Variants in TRAPPC2 observed in about 807,000 individuals in gnomAD.
The protein encoded by TRAPPC2 is trafficking protein particle complex subunit 2.
Under a neutral mutation model 10.0 loss-of-function variants are expected in TRAPPC2, and 4 were observed. That is an observed-to-expected ratio of 0.40 (90% CI 0.20 to 0.92). The LOEUF (loss-of-function observed/expected upper bound fraction) is 0.92, where lower values mean the gene tolerates loss of function less well. Among genes scored for constraint, TRAPPC2 ranks in the 40% least tolerant of loss-of-function variants. The probability of loss-of-function intolerance (pLI) is 0.35; values close to 1 mark genes in which losing one functional copy is unlikely to be tolerated. For synonymous variants in TRAPPC2, 36 were observed against 37.3 expected (o/e 0.97, Z 0.12); for missense variants, 52 against 108.7 (o/e 0.48, Z 2.32).
chrX:13,723,977 G>A (rs772626413), intron 2 of TRAPPC2, among the ~76,000 whole-genome samples: 2 of 112,001 alleles, frequency 1.8e-5, no homozygotes, highest in Non-Finnish European at 3.8e-5. Flanking sequence ...GAATAGGGAA[G>A]CAAAAGAGGA....
Position 13,714,152 on chromosome X carries a change from A to AC in TRAPPC2, c.*254_*255insG. 1 of 179,599 alleles carries AC rather than the reference A, an allele frequency of 5.6e-6. No homozygotes were observed. The highest frequency in any genetic ancestry group is 1.0e-5 in the Non-Finnish European group (1 of 96,909). 14.8% of individuals were successfully genotyped at this position (179,599 alleles called of 1,213,427 possible). Reference sequence around the variant, plus strand: ...GTGAGACTCTGTATCAGAAAAAAAAAAAAAAAAAAAACATGATTATTGATA... The same window carrying AC: ...GTGAGACTCTGTATCAGAAAAAAAAACAAAAAAAAAAACATGATTATTGATA... On this transcript the variant is annotated 3_prime_UTR_variant, in exon 6 of 6. Transcript: ENST00000380579.
At chrX:13,720,161 T>C (rs947470804) in intron 2 of TRAPPC2, 179 bp from the exon 3 acceptor site, 2 of 299,447 alleles carry the variant, frequency 6.7e-6, no homozygotes, top group African/African-American at 5.4e-5. Context: ...ATAAACAAAT[T>C]ATGTATCTAT....
rs937086709 is a variant in TRAPPC2 at position 13,718,847 on chromosome X, T to C, written c.93+1024A>G. ...ACAGAAATTGGAAAGAACTGGGCTC[T>C]TCTCGTGTCAAAACTCTACAGGTCT... On this transcript the variant is annotated intron_variant, in intron 3 of 5. Transcript: ENST00000380579. Among the ~76,000 whole-genome samples the C allele has an allele frequency of 6.5e-4, 73 of 111,864 alleles. 1 individual carries two copies. The highest frequency in any genetic ancestry group is 2.3e-3 in the African/African-American group (71 of 30,780).
intron 5 of TRAPPC2, among the ~76,000 whole-genome samples, chrX:13,715,185 C>G (rs1463314344): frequency 8.9e-6 from 1 of 112,888 alleles, no homozygotes; most frequent in Non-Finnish European, 1.9e-5. Flanking sequence ...TTATTAAAAA[C>G]ATATGGGCCA....
At chrX:13,731,672 T>A (rs2046680682) in intron 2 of TRAPPC2, among the ~76,000 whole-genome samples, 1 of 111,542 alleles carries the variant, frequency 9.0e-6, no homozygotes, top group South Asian at 3.7e-4. Flanking sequence ...AAAGCACTCA[T>A]TATTTGCTGA....
intron 2 of TRAPPC2, chrX:13,722,208 C>CCAAAAAAAAAAAAAAAAAAAAAAAA (rs1555898002): frequency 5.5e-5 from 2 of 36,116 alleles, no homozygotes; most frequent in African/African-American, 2.4e-4. Context: ...TAAGCAGCAG[C>CCAAAAAAAAAAAAAAAAAAAAAAAA]AAAAAAAAAA....
rs1414308026 is a variant in TRAPPC2, at chrX:13,713,848, A to T, written c.*559T>A. 1 of 109,749 alleles carries T rather than the reference A, an allele frequency of 9.1e-6. No individual in the cohort carries two copies. Among genetic ancestry groups the T allele is most frequent in the Non-Finnish European group, 1.9e-5 (1 of 52,703 alleles). The allele number at this position is 109,749 out of a possible 1,213,427, so 9.0% of individuals were successfully genotyped here. On this transcript the variant is annotated 3_prime_UTR_variant, in exon 6 of 6. Coordinates refer to ENST00000380579, the MANE Select transcript of TRAPPC2 (RefSeq NM_001011658.4). Reference sequence around the variant, plus strand: ...AAAGCGAGCTTATTCCCAATTTTTAAGTAAAAATATTTCATGGTTGGGCAC... The same window carrying T: ...AAAGCGAGCTTATTCCCAATTTTTATGTAAAAATATTTCATGGTTGGGCAC...
chrX:13,715,967 T>C, intron 5 of TRAPPC2, 37 bp downstream of exon 5: 3 of 1,155,998 alleles, frequency 2.6e-6, no homozygotes, highest in Non-Finnish European at 3.5e-6. Context: ...TCGAATCCTT[T>C]CTCATCAGAA....
chrX:13,731,632 C>T (rs929580031), intron 2 of TRAPPC2, among the ~76,000 whole-genome samples: 6 of 111,424 alleles, frequency 5.4e-5, no homozygotes, highest in Non-Finnish European at 9.4e-5. Context: ...CTATGGTATA[C>T]CTAGAGCTAC....
rs766661847 is a variant in TRAPPC2, at chrX:13,725,380, C to T, written c.-19-5398G>A. 2.7e-5 allele frequency among the ~76,000 whole-genome samples: 3 copies of T among 111,986 alleles called. No individual in the cohort carries two copies. In the East Asian group the frequency reaches 8.5e-4, roughly 32 times the overall value. On this transcript the variant is annotated intron_variant, in intron 2 of 5. Transcript: ENST00000380579. Reference sequence around the variant, plus strand: ...CAGACACCTCATATAGGCGGGTGCCCCTCTGGGATGAAGCTTCCAGAGGAA... The same window carrying T: ...CAGACACCTCATATAGGCGGGTGCCTCTCTGGGATGAAGCTTCCAGAGGAA...
Position 13,734,543 on chromosome X carries a change from A to C in TRAPPC2, c.-180T>G, listed in dbSNP as rs775472336. The C allele has an allele frequency of 9.6e-5, 34 of 354,896 alleles. No individual in the cohort carries two copies. The highest frequency in any genetic ancestry group is 4.0e-4 in the South Asian group (4 of 10,065). 29.2% of individuals were successfully genotyped at this position (354,896 alleles called of 1,213,427 possible). A position where few individuals can be genotyped will look rare whatever the true frequency, so the allele number is the denominator to read the frequency against. Reference sequence around the variant, plus strand: ...TCCCTACCTGCAGTGGGAGGCCGACAACGGAAACGCAATGTCAGTTTCCGC... The same window carrying C: ...TCCCTACCTGCAGTGGGAGGCCGACCACGGAAACGCAATGTCAGTTTCCGC... On this transcript the variant is annotated 5_prime_UTR_variant, in exon 1 of 6. Coordinates refer to ENST00000380579, the MANE Select transcript of TRAPPC2 (RefSeq NM_001011658.4).
At position 13,733,138 on chromosome X, in the gene TRAPPC2, G is replaced by A. The variant is rs756238307; in HGVS notation, c.-20+906C>T. On this transcript the variant is annotated intron_variant, in intron 2 of 5. Coordinates refer to ENST00000380579, the MANE Select transcript of TRAPPC2 (RefSeq NM_001011658.4). ...GGAGGTGGGAGTAAGGGGGTCTTCAGGAACATTTTTTTTTTTTAAACAGTG... is the reference window on the plus strand; with the variant it reads ...GGAGGTGGGAGTAAGGGGGTCTTCAAGAACATTTTTTTTTTTTAAACAGTG... Among the ~76,000 whole-genome samples, 3 of 109,209 alleles carry A rather than the reference G, an allele frequency of 2.7e-5. No homozygotes were observed. In the South Asian group the frequency reaches 1.1e-3, roughly 42 times the overall value. The allele number at this position is 109,209 out of a possible 115,157, so 94.8% of individuals were successfully genotyped here. A position where few individuals can be genotyped will look rare whatever the true frequency, so the allele number is the denominator to read the frequency against.
intron 2 of TRAPPC2, among the ~76,000 whole-genome samples, chrX:13,728,335 G>A (rs1393653250): frequency 8.9e-6 from 1 of 111,869 alleles, no homozygotes; most frequent in Non-Finnish European, 1.9e-5. Flanking sequence ...GATGAACATT[G>A]ATGCGAAAAT....
chrX:13,719,686 T>C (rs2046367862), intron 3 of TRAPPC2, among the ~76,000 whole-genome samples, 185 bp downstream of exon 3: 1 of 111,826 alleles, frequency 8.9e-6, no homozygotes, highest in African/African-American at 3.3e-5. Context: ...TGCTAGTCTG[T>C]GCTGAACTAA....
rs779809564 is a variant in TRAPPC2, at chrX:13,714,517, G to T, written c.325-12C>A. 8 of 970,343 alleles carry T rather than the reference G, an allele frequency of 8.2e-6. No homozygotes were observed. In the South Asian group the frequency reaches 1.5e-4, roughly 18 times the overall value. 80.0% of individuals were successfully genotyped at this position (970,343 alleles called of 1,213,427 possible). A position where few individuals can be genotyped will look rare whatever the true frequency, so the allele number is the denominator to read the frequency against. On this transcript the variant is annotated splice_polypyrimidine_tract_variant and intron_variant, in intron 5 of 5. Coordinates refer to ENST00000380579, the MANE Select transcript of TRAPPC2 (RefSeq NM_001011658.4). ...GGATTCATTGAAAACTAGGAAAGAA[G>T]AAAGTATTAGTGAAGCAAAAAAGCT...
At chrX:13,719,136 G>A (rs768026025) in intron 3 of TRAPPC2, among the ~76,000 whole-genome samples, 131 of 110,735 alleles carry the variant, frequency 1.2e-3, no homozygotes, top group African/African-American at 4.2e-3. Flanking sequence ...CAGTCTGGGC[G>A]ACAGAGCAAG....
chrX:13,724,477 C>T (rs147320328), intron 2 of TRAPPC2, among the ~76,000 whole-genome samples: 2 of 109,999 alleles, frequency 1.8e-5, no homozygotes, highest in East Asian at 5.7e-4. Context: ...CTGCTTCAAG[C>T]GCTTGCTACA....
At chrX:13,726,008 A>G (rs1328218538) in intron 2 of TRAPPC2, among the ~76,000 whole-genome samples, 3 of 112,166 alleles carry the variant, frequency 2.7e-5, no homozygotes, top group Non-Finnish European at 3.8e-5. Context: ...AAAGGGTATC[A>G]GTGATTGAAG....
rs376156270 is a variant in TRAPPC2 at position 13,716,661 on chromosome X, C to T, written c.111G>A (p.Leu37=). 5.9e-5 allele frequency: 71 copies of T among 1,210,360 alleles called. No individual in the cohort carries two copies. Among genetic ancestry groups the T allele is most frequent in the Non-Finnish European group, 6.8e-5 (61 of 895,204 alleles). Residue 37 remains leucine, a synonymous_variant, in exon 4 of 6, where the codon CTG becomes CTA. Coordinates refer to ENST00000380579, the MANE Select transcript of TRAPPC2 (RefSeq NM_001011658.4). ...GAGCAGCATGAGCTATGAACTGGTT[C>T]AGATGACGATGGTCGTCCTAGATGA... ...KAESKDDHRH[L]NQFIAHAALD... is the part of the protein sequence containing the mutation.
Sources: gnomAD v4.1 joint callset for allele counts (sites outside exome capture counted in the v4.1 genomes callset) on GRCh38, gnomAD v4.1.1 for gene constraint, MANE v1.5 for transcripts, NCBI Gene and HGNC (gene_info 2026-07-23, HGNC 2026-07-21) for gene names.